Variants in PCDH15 observed in about 807,000 individuals in gnomAD.
PCDH15 encodes the protein protocadherin related 15, also known as protocadherin-15.
Under a neutral mutation model 178.5 loss-of-function variants are expected in PCDH15, and 129 were observed. The ratio of observed to expected loss-of-function variants is 0.72; its 90% CI spans 0.63 to 0.84. The LOEUF (loss-of-function observed/expected upper bound fraction) is 0.84. Ranked by LOEUF, PCDH15 falls within the 40% of genes least tolerant of loss-of-function variation. The pLI is 0.00. For synonymous variants in PCDH15, 800 were observed against 732.0 expected, an observed-to-expected ratio of 1.09 and a Z score of -1.50; for missense variants, 2,230 against 2,099.9, an observed-to-expected ratio of 1.06 and a Z score of -1.21.
At chr10:54,305,397 C>A (rs2060403981) in intron 8 of PCDH15, among the ~76,000 whole-genome samples, 1 of 151,720 alleles carries the variant, frequency 6.6e-6, no homozygotes, top group Non-Finnish European at 1.5e-5. Context: ...AAATATAAAA[C>A]AGACAAATAA....
intron 1 of PCDH15, among the ~76,000 whole-genome samples, chr10:55,254,051 C>A (rs1005382778): frequency 1.3e-5 from 2 of 152,100 alleles, no homozygotes; most frequent in Non-Finnish European, 1.5e-5. Context: ...TCTTTGAAAG[C>A]TACTTGATTG....
intron 3 of PCDH15, among the ~76,000 whole-genome samples, chr10:54,472,850 G>A (rs915809354): frequency 6.6e-6 from 1 of 152,072 alleles, no homozygotes; most frequent in Non-Finnish European, 1.5e-5. Flanking sequence ...AGAGAGGAAT[G>A]ACCAGATGGT....
At chr10:54,415,956 TA>T (rs1393295116) in intron 3 of PCDH15, among the ~76,000 whole-genome samples, 1 of 151,992 alleles carries the variant, frequency 6.6e-6, no homozygotes, top group Non-Finnish European at 1.5e-5. Context: ...TAATATTTTT[TA>T]AAAAATCGAC....
intron 8 of PCDH15, among the ~76,000 whole-genome samples, chr10:54,264,704 C>A (rs1048927596): frequency 6.6e-5 from 10 of 151,546 alleles, no homozygotes; most frequent in African/African-American, 2.2e-4. Context: ...CCCAGTCTTG[C>A]AAAAATAAAG....
At chr10:54,702,768 T>C (rs2095323492) in intron 1 of PCDH15, among the ~76,000 whole-genome samples, 1 of 152,022 alleles carries the variant, frequency 6.6e-6, no homozygotes, top group African/African-American at 2.4e-5. Flanking sequence ...AGCTGAATTC[T>C]ACCAGATGTA....
chr10:54,539,044 C>T (rs1245185687), intron 2 of PCDH15, among the ~76,000 whole-genome samples: 1 of 152,118 alleles, frequency 6.6e-6, no homozygotes, highest in African/African-American at 2.4e-5. Flanking sequence ...TTGATTCTTC[C>T]AGTCAATGAG....
intron 2 of PCDH15, among the ~76,000 whole-genome samples, chr10:55,604,217 C>T (rs1447175065): frequency 1.1e-5 from 1 of 94,720 alleles, no homozygotes; most frequent in Non-Finnish European, 2.1e-5. Context: ...TATATGCACC[C>T]AATACAGGAG....
intron 1 of PCDH15, among the ~76,000 whole-genome samples, chr10:54,761,655 C>T (rs866434508): frequency 6.6e-6 from 1 of 150,766 alleles, no homozygotes; most frequent in Non-Finnish European, 1.5e-5. Context: ...TGCACTCCAG[C>T]CTGGGCAACA....
At position 54,768,799 on chromosome 10, in the gene PCDH15, AGTT is replaced by A. The variant is rs751965952; in HGVS notation, c.-29+32123_-29+32125del. 3.9e-5 allele frequency among the ~76,000 whole-genome samples: 6 copies of A among 152,254 alleles called. No individual in the cohort carries two copies. In the South Asian group the frequency reaches 1.0e-3, roughly 26 times the overall value. ...CACCTTCCTTGACATTGTCCTTGTTAGTTTTCCAAACCCATGTCATGCCACTTG... is the reference window on the plus strand; with the variant it reads ...CACCTTCCTTGACATTGTCCTTGTTATTCCAAACCCATGTCATGCCACTTG... On this transcript the variant is annotated intron_variant, in intron 1 of 37. Coordinates refer to ENST00000644397, the MANE Select transcript of PCDH15 (RefSeq NM_001384140.1).
intron 16 of PCDH15, among the ~76,000 whole-genome samples, chr10:54,084,083 C>CTTTTT (rs34480492): frequency 6.7e-6 from 1 of 148,172 alleles, no homozygotes; most frequent in Non-Finnish European, 1.5e-5. Flanking sequence ...TTAATGTGCA[C>CTTTTT]TTTTTTTTTT....
chr10:55,572,272 A>G (rs951945289), intron 2 of PCDH15, among the ~76,000 whole-genome samples: 1 of 151,378 alleles, frequency 6.6e-6, no homozygotes, highest in Admixed American at 6.6e-5. Flanking sequence ...TATTTAATAT[A>G]AAATGAAAGT....
At chr10:54,506,862 C>A (rs906638580) in intron 3 of PCDH15, among the ~76,000 whole-genome samples, 1 of 151,704 alleles carries the variant, frequency 6.6e-6, no homozygotes, top group Non-Finnish European at 1.5e-5. Context: ...GGTACCAGGA[C>A]AGAATAACAT....
At chr10:53,985,794 A>G (rs1305891205) in intron 21 of PCDH15, among the ~76,000 whole-genome samples, 1 of 152,156 alleles carries the variant, frequency 6.6e-6, no homozygotes, top group Non-Finnish European at 1.5e-5. Flanking sequence ...TCCAGAATGC[A>G]GGGGAAAAGC....
intron 1 of PCDH15, among the ~76,000 whole-genome samples, chr10:55,172,190 C>T (rs961453096): frequency 2.0e-5 from 3 of 151,724 alleles, no homozygotes; most frequent in Admixed American, 1.3e-4. Context: ...ATAAAAATGT[C>T]AGTATTAATA....
chr10:54,568,900 C>T (rs1328379869), intron 2 of PCDH15, among the ~76,000 whole-genome samples: 1 of 151,848 alleles, frequency 6.6e-6, no homozygotes, highest in African/African-American at 2.4e-5. Context: ...ACCTCACAAA[C>T]CATTTTGTAA....
At chr10:55,341,762 CATATATATATATAT>C (rs775413614) in intron 2 of PCDH15, among the ~76,000 whole-genome samples, 566 of 43,678 alleles carry the variant, frequency 0.013, 5 homozygotes, top group East Asian at 0.029. Context: ...CATACATATG[CATATATATATATAT>C]ATATATATAT....
intron 10 of PCDH15, among the ~76,000 whole-genome samples, chr10:54,207,441 T>C (rs2384416): frequency 0.91 from 137,309 of 151,592 alleles, 62,387 homozygotes; most frequent in East Asian, 0.98. Flanking sequence ...CTAGTAATGG[T>C]AGTGTTGCTC....
rs542494227 is a variant in PCDH15, at chr10:54,291,930, C to T, written c.876+25341G>A. Among the ~76,000 whole-genome samples the T allele has an allele frequency of 2.6e-5, 4 of 152,166 alleles. No individual in the cohort carries two copies. The East Asian group carries it at 7.7e-4, about 29-fold the overall frequency. On this transcript the variant is annotated intron_variant, in intron 8 of 37. Coordinates refer to ENST00000644397, the MANE Select transcript of PCDH15 (RefSeq NM_001384140.1). ...GGAACCATTCCTTCTGAAACTATTC[C>T]AATTAATAGAAAAAGAGGGAATCCT... is the stretch of plus-strand genomic sequence containing the variant.
intron 1 of PCDH15, among the ~76,000 whole-genome samples, chr10:54,746,320 AAG>A (rs1199883147): frequency 2.0e-4 from 30 of 151,008 alleles, no homozygotes; most frequent in African/African-American, 6.3e-4. Context: ...CTCAAAAAGA[AAG>A]AGGGGAGGAG....
Sources: allele counts gnomAD v4.1 joint callset (sites outside exome capture counted in the v4.1 genomes callset), GRCh38; gene constraint gnomAD v4.1.1; transcripts MANE v1.5; gene names NCBI Gene and HGNC (gene_info 2026-07-23, HGNC 2026-07-21).